CDH18: variants seen among roughly 807,000 people sequenced by gnomAD.
CDH18 encodes cadherin 18, also known as cadherin-18.
In CDH18, 31 loss-of-function variants were observed where a neutral mutation model predicts 67.9. The observed-to-expected ratio is 0.46, with a 90% CI of 0.34 to 0.62. CDH18 has a LOEUF of 0.62. CDH18 is among the 20% of genes least tolerant of loss of function. The probability of loss-of-function intolerance (pLI) is 0.01; values close to 1 mark genes in which losing one functional copy is unlikely to be tolerated. For synonymous variants in CDH18, 362 were observed against 347.2 expected (o/e 1.04, Z -0.48); for missense variants, 890 against 975.5 (o/e 0.91, Z 1.17).
At chr5:20,533,969 T>C (rs1198582928) in intron 1 of CDH18, among the ~76,000 whole-genome samples, 1 of 151,942 alleles carries the variant, frequency 6.6e-6, no homozygotes, top group Non-Finnish European at 1.5e-5. Context: ...GCTTTTGGGG[T>C]CCTAAGTATA....
intron 1 of CDH18, among the ~76,000 whole-genome samples, chr5:20,258,997 C>CT (rs1744447988): frequency 6.6e-6 from 1 of 152,140 alleles, no homozygotes; most frequent in South Asian, 2.1e-4. Flanking sequence ...CCTTGAGATA[C>CT]TTTATCACCC....
chr5:20,179,008 G>A (rs534882578), intron 2 of CDH18, among the ~76,000 whole-genome samples: 62 of 152,210 alleles, frequency 4.1e-4, no homozygotes, highest in African/African-American at 1.4e-3. Flanking sequence ...TTCTCCAGAA[G>A]GCAGAAGCCA....
In CDH18 at chr5:20,344,212, A is replaced by G. The variant is rs78695180; in HGVS notation, c.-579-88707T>C. On this transcript the variant is annotated intron_variant, in intron 1 of 14. Transcript: ENST00000507958. ...AAGAATAAAACTTACCAATTGGCCC[A>G]AAGGCTGTTCTCAGGTGAAAATCTG... Among the ~76,000 whole-genome samples the G allele has an allele frequency of 6.8e-3, 1,041 of 152,184 alleles. 32 individuals are homozygous for G. The East Asian group carries it at 0.075, about 11-fold the overall frequency.
intron 4 of CDH18, among the ~76,000 whole-genome samples, chr5:19,735,445 G>A (rs539386782): frequency 6.7e-6 from 1 of 150,180 alleles, no homozygotes; most frequent in South Asian, 2.1e-4. Context: ...CGCCCAGGCT[G>A]GAATGCAGTG....
Position 19,934,820 on chromosome 5 carries a change from A to C in CDH18, c.-257+46240T>G, listed in dbSNP as rs116804559. Among the ~76,000 whole-genome samples the C allele has an allele frequency of 1.0e-2, 1,509 of 151,278 alleles. 26 individuals are homozygous for C. Among genetic ancestry groups the C allele is most frequent in the African/African-American group, 0.035 (1,431 of 41,414 alleles). ...TTGCACAGAATAATAGAGTCAAAAA[A>C]CTCTAGATCTATCAAAGTGGCTAGT... On this transcript the variant is annotated intron_variant, in intron 2 of 12. Coordinates refer to ENST00000382275, the MANE Select transcript of CDH18 (RefSeq NM_004934.5).
intron 1 of CDH18, among the ~76,000 whole-genome samples, chr5:20,323,751 A>G (rs1175017998): frequency 6.6e-6 from 1 of 152,214 alleles, no homozygotes; most frequent in East Asian, 1.9e-4. Flanking sequence ...TCTAAGTGCT[A>G]TAGTAAGCAA....
intron 1 of CDH18, among the ~76,000 whole-genome samples, chr5:20,300,297 T>G (rs1747864329): frequency 1.5e-5 from 1 of 68,768 alleles, no homozygotes. Context: ...TTAAGTTGTG[T>G]GTGTGCGTGT....
chr5:19,854,877 C>A (rs1784092547), intron 2 of CDH18, among the ~76,000 whole-genome samples: 1 of 150,632 alleles, frequency 6.6e-6, no homozygotes. Context: ...TTATCCCCCT[C>A]CCCCCACTAT....
chr5:20,280,575 T>C (rs900706012), intron 1 of CDH18, among the ~76,000 whole-genome samples: 3 of 152,244 alleles, frequency 2.0e-5, no homozygotes, highest in Non-Finnish European at 4.4e-5. Context: ...CCATGGTGTA[T>C]ATGTGCCACA....
intron 8 of CDH18, among the ~76,000 whole-genome samples, chr5:19,567,232 C>A (rs145808241): frequency 6.6e-6 from 1 of 152,044 alleles, no homozygotes; most frequent in Non-Finnish European, 1.5e-5. Context: ...TATATTGCTG[C>A]AAATTACACA....
intron 3 of CDH18, among the ~76,000 whole-genome samples, chr5:19,761,102 C>G (rs540092323): frequency 1.9e-4 from 29 of 152,258 alleles, no homozygotes; most frequent in African/African-American, 6.7e-4. Flanking sequence ...ACAGTAGATA[C>G]CTGGCGAGGT....
At chr5:19,787,707 A>G (rs914288567) in intron 3 of CDH18, among the ~76,000 whole-genome samples, 6 of 151,686 alleles carry the variant, frequency 4.0e-5, no homozygotes, top group African/African-American at 9.7e-5. Flanking sequence ...AGAGAAACCA[A>G]GTACAAAAGC....
At position 19,751,963 on chromosome 5, in the gene CDH18, G is replaced by A. The variant is rs147099969; in HGVS notation, c.229-4727C>T. On this transcript the variant is annotated intron_variant, in intron 3 of 12. Transcript: ENST00000382275. Reference sequence around the variant, plus strand: ...AGTACTCGCAGACCCTCTGAAGGAAGCAGATTGCTCCTGCAGGGCCCCCAA... The same window carrying A: ...AGTACTCGCAGACCCTCTGAAGGAAACAGATTGCTCCTGCAGGGCCCCCAA... Among the ~76,000 whole-genome samples the A allele has an allele frequency of 7.5e-3, 1,137 of 152,196 alleles. 10 individuals carry two copies. Among genetic ancestry groups the A allele is most frequent in the Middle Eastern group, 0.02 (6 of 294 alleles).
intron 1 of CDH18, among the ~76,000 whole-genome samples, chr5:20,442,823 A>G (rs1012172666): frequency 5.9e-5 from 9 of 151,906 alleles, no homozygotes; most frequent in Non-Finnish European, 8.8e-5. Context: ...TTTATGAACA[A>G]GCTGATTAAT....
chr5:20,537,053 G>A (rs1331961656), intron 1 of CDH18, among the ~76,000 whole-genome samples: 1 of 152,072 alleles, frequency 6.6e-6, no homozygotes, highest in Non-Finnish European at 1.5e-5. Context: ...ACTAGTCTGT[G>A]TCAGAACCTG....
At chr5:20,051,532 A>G (rs141887292) in intron 2 of CDH18, among the ~76,000 whole-genome samples, 3 of 152,122 alleles carry the variant, frequency 2.0e-5, no homozygotes, top group African/African-American at 4.8e-5. Context: ...ATACTATTTC[A>G]AAATATTTTA....
chr5:20,268,458 TTGG>T (rs1745205878), intron 1 of CDH18, among the ~76,000 whole-genome samples: 1 of 152,168 alleles, frequency 6.6e-6, no homozygotes, highest in African/African-American at 2.4e-5. Context: ...CTTAAACAGA[TTGG>T]GCACAGTGGC....
chr5:19,513,094 CTTAT>C (rs1406029096), intron 10 of CDH18, among the ~76,000 whole-genome samples: 3 of 151,034 alleles, frequency 2.0e-5, no homozygotes, highest in Non-Finnish European at 3.0e-5. Context: ...TTAATCAGTC[CTTAT>C]TTATTTATTT....
intron 2 of CDH18, among the ~76,000 whole-genome samples, chr5:20,143,716 C>T (rs915051832): frequency 2.0e-5 from 3 of 152,130 alleles, no homozygotes; most frequent in Non-Finnish European, 4.4e-5. Context: ...GTGGTTTCTA[C>T]TTGCTGCTTG....
Sources: allele counts gnomAD v4.1 joint callset (sites outside exome capture counted in the v4.1 genomes callset), GRCh38; gene constraint gnomAD v4.1.1; transcripts MANE v1.5; gene names NCBI Gene and HGNC (gene_info 2026-07-23, HGNC 2026-07-21).